RTTN: variants seen among roughly 807,000 people sequenced by gnomAD.
RTTN encodes the protein rotatin.
Under a neutral mutation model 269.2 loss-of-function variants are expected in RTTN, and 182 were observed. The ratio of observed to expected loss-of-function variants is 0.68; its 90% CI spans 0.60 to 0.76. The LOEUF (loss-of-function observed/expected upper bound fraction) is 0.76, where lower values mean the gene tolerates loss of function less well. RTTN is among the 30% of genes least tolerant of loss of function. The probability of loss-of-function intolerance (pLI) is 0.00; values close to 1 mark genes in which losing one functional copy is unlikely to be tolerated. For synonymous variants in RTTN, 1,006 were observed against 963.5 expected, an observed-to-expected ratio of 1.04 and a Z score of -0.82; for missense variants, 2,545 against 2,608.6, an observed-to-expected ratio of 0.98 and a Z score of 0.53.
intron 33 of RTTN, 83 bp downstream of exon 33, chr18:70,075,269 T>A: frequency 9.9e-7 from 1 of 1,014,756 alleles, no homozygotes; most frequent in Admixed American, 3.0e-5. Flanking sequence ...ATTTTTCAAA[T>A]TTTTAAAACA....
chr18:70,103,267 G>T (rs146080858), intron 28 of RTTN, among the ~76,000 whole-genome samples: 1 of 152,066 alleles, frequency 6.6e-6, no homozygotes, highest in Non-Finnish European at 1.5e-5. Flanking sequence ...AAGAGACAGC[G>T]ACCATCGAGA....
chr18:70,086,650 G>C lies in RTTN; in HGVS notation c.4337C>G (p.Pro1446Arg). ...AFILQNLLVI[P>R]MPTEIIKDYT... is the part of the protein sequence containing the mutation. The stretch of plus-strand genomic sequence containing the variant: ...ATCCTTTATAATTTCTGTAGGCATT[G>C]GAATTACAAGGAGATTCTGAAGAAT... The change falls in exon 32 of 49, where the codon CCA (proline) becomes CGA (arginine). Residue 1446 changes from proline (P) to arginine (R), a missense_variant. By Grantham distance (103) the Pro-to-Arg change is moderately radical. Transcript: ENST00000640769. 3.6e-6 allele frequency: 5 copies of C among 1,385,372 alleles called. No homozygotes were observed. The highest frequency in any genetic ancestry group is 4.8e-6 in the Non-Finnish European group (5 of 1,043,380). The allele number at this position is 1,385,372 out of a possible 1,614,324, so 85.8% of individuals were successfully genotyped here.
chr18:70,086,718 A>G, intron 31 of RTTN, 34 bp from the exon 32 acceptor site: 1 of 855,756 alleles, frequency 1.2e-6, no homozygotes, highest in Non-Finnish European at 1.7e-6. Context: ...AAAAAAAAAA[A>G]AAAAAAAAAA....
rs572198108 is a variant in RTTN, at chr18:70,175,937, G to C, written c.1476+738C>G. Among the ~76,000 whole-genome samples the C allele has an allele frequency of 2.0e-5, 3 of 152,212 alleles. No homozygotes were observed. The South Asian group carries it at 6.2e-4, about 32-fold the overall frequency. On this transcript the variant is annotated intron_variant, in intron 11 of 48. Transcript: ENST00000640769. ...AAAGAACTCTGACAACACGTACCTA[G>C]CTGAAGAGAAGGAAAGGCTACTCTT... is the stretch of plus-strand genomic sequence containing the variant.
intron 46 of RTTN, among the ~76,000 whole-genome samples, chr18:70,010,260 C>A (rs1232860425): frequency 1.3e-5 from 2 of 152,168 alleles, no homozygotes; most frequent in African/African-American, 4.8e-5. Flanking sequence ...ACAGAACACT[C>A]CACCCCAAAT....
At chr18:70,170,672 AT>A (rs2061116318) in intron 11 of RTTN, among the ~76,000 whole-genome samples, 1 of 152,206 alleles carries the variant, frequency 6.6e-6, no homozygotes, top group African/African-American at 2.4e-5. Context: ...GTCATAAGGA[AT>A]TGTCCTCTGC....
chr18:70,167,380 C>G (rs1321906540), intron 12 of RTTN, among the ~76,000 whole-genome samples: 2 of 152,158 alleles, frequency 1.3e-5, no homozygotes, highest in African/African-American at 2.4e-5. Context: ...CCTCTTGTAG[C>G]AGCCTGACCA....
chr18:70,051,520 G>C lies in RTTN; in HGVS notation c.5214C>G (p.His1738Gln), dbSNP rs780831377. The C allele has an allele frequency of 5.0e-6, 8 of 1,607,988 alleles. No homozygotes were observed. The highest frequency in any genetic ancestry group is 6.8e-6 in the Non-Finnish European group (8 of 1,175,352). ...LDKELISAFY[H>Q]TWTHLFNLLA... ...GAAGATTAAATAAATGTGTCCATGT[G>C]TGATAAAAAGCTGATATTAACTCTT... The change falls in exon 39 of 49, where the codon CAC (histidine) becomes CAG (glutamine). Residue 1738 changes from histidine to glutamine, a missense_variant. By Grantham distance (24) the His-to-Gln change is conservative. Coordinates refer to ENST00000640769, the MANE Select transcript of RTTN (RefSeq NM_173630.4).
At chr18:70,101,412 C>A (rs1028744092) in intron 28 of RTTN, among the ~76,000 whole-genome samples, 3 of 152,252 alleles carry the variant, frequency 2.0e-5, no homozygotes, top group Non-Finnish European at 2.9e-5. Context: ...TCTGTGGGAT[C>A]GGTGTTGATA....
intron 11 of RTTN, 27 bp from the exon 12 acceptor site, chr18:70,169,094 T>A (rs1420428866): frequency 3.3e-6 from 5 of 1,527,142 alleles, no homozygotes; most frequent in Non-Finnish European, 4.4e-6. Context: ...AACAAAAAAA[T>A]TAAAACTTTG....
intron 28 of RTTN, among the ~76,000 whole-genome samples, chr18:70,099,712 A>G (rs1340748429): frequency 6.6e-6 from 1 of 152,110 alleles, no homozygotes; most frequent in East Asian, 1.9e-4. Flanking sequence ...TTATGGTTTT[A>G]GGTCTAACAT....
intron 40 of RTTN, among the ~76,000 whole-genome samples, chr18:70,035,188 A>T (rs1390924103): frequency 1.3e-5 from 2 of 152,198 alleles, no homozygotes; most frequent in African/African-American, 4.8e-5. Flanking sequence ...CACCAATCAC[A>T]TTCTTCATAG....
intron 14 of RTTN, among the ~76,000 whole-genome samples, chr18:70,156,670 C>T (rs11660731): frequency 0.8 from 121,182 of 151,990 alleles, 52,305 homozygotes; most frequent in East Asian, 1. Flanking sequence ...TGTGATGTCT[C>T]CCCCGGACGC....
Position 70,150,591 on chromosome 18 carries a change from C to G in RTTN, c.2055+17G>C. On this transcript the variant is annotated intron_variant, in intron 15 of 48. Coordinates refer to ENST00000640769, the MANE Select transcript of RTTN (RefSeq NM_173630.4). ...TCTAAGTTACTGTAATATTTTCACT[C>G]ATGTTTAATGTCATACCTCACTTTC... 1.9e-6 allele frequency: 3 copies of G among 1,608,984 alleles called. No individual in the cohort carries two copies. Among genetic ancestry groups the G allele is most frequent in the Non-Finnish European group, 1.7e-6 (2 of 1,176,134 alleles).
chr18:70,193,083 C>G (rs4891822), intron 8 of RTTN: 3 of 504,878 alleles, frequency 5.9e-6, no homozygotes, highest in Non-Finnish European at 1.0e-5. Flanking sequence ...CACTGAGTTG[C>G]GATGTAATAT....
At position 70,048,889 on chromosome 18, in the gene RTTN, C is replaced by A. The variant is rs566363887; in HGVS notation, c.5324-701G>T. On this transcript the variant is annotated intron_variant, in intron 39 of 48. Transcript: ENST00000640769. ...AAAATAAAAATAAACAAAAATAAAA[C>A]CATGGCAAAAAAAATGATAATTGTT... 7.3e-5 allele frequency among the ~76,000 whole-genome samples: 11 copies of A among 151,688 alleles called. No individual in the cohort carries two copies. In the East Asian group the frequency reaches 2.1e-3, roughly 29 times the overall value.
chr18:70,163,069 T>TAAAAAAAAAAAAAAAAAA (rs10559303), intron 14 of RTTN, among the ~76,000 whole-genome samples: 4 of 56,968 alleles, frequency 7.0e-5, no homozygotes, highest in African/African-American at 2.1e-4. Flanking sequence ...TTACTATTAT[T>TAAAAAAAAAAAAAAAAAA]AAAAAAAAAA....
intron 14 of RTTN, among the ~76,000 whole-genome samples, chr18:70,156,941 CCTGT>C (rs1426142099): frequency 1.3e-5 from 2 of 152,302 alleles, no homozygotes; most frequent in South Asian, 2.1e-4. Context: ...CTCAAAGGGT[CCTGT>C]CTGTCTCACT....
chr18:70,062,100 T>G (rs953004408), intron 35 of RTTN, among the ~76,000 whole-genome samples: 4 of 152,236 alleles, frequency 2.6e-5, no homozygotes, highest in Non-Finnish European at 5.9e-5. Flanking sequence ...ACAGTTCATT[T>G]TGCCAATAGT....
Sources: allele counts gnomAD v4.1 joint callset (sites outside exome capture counted in the v4.1 genomes callset), GRCh38; gene constraint gnomAD v4.1.1; transcripts MANE v1.5; gene names NCBI Gene and HGNC (gene_info 2026-07-23, HGNC 2026-07-21).